C2orf78: variants seen among roughly 807,000 people sequenced by gnomAD.
C2orf78 encodes the protein chromosome 2 open reading frame 78.
Under a neutral mutation model 21.4 loss-of-function variants are expected in C2orf78, and 12 were observed. That is an observed-to-expected ratio of 0.56 (90% CI 0.36 to 0.91). The LOEUF (loss-of-function observed/expected upper bound fraction) is 0.91. Among genes scored for constraint, C2orf78 ranks in the 40% least tolerant of loss-of-function variants. C2orf78 has a pLI of 0.01. For missense variants in C2orf78, 1,042 were observed against 1,092.4 expected (o/e 0.95, Z 0.65); for synonymous variants, 396 against 413.9 (o/e 0.96, Z 0.52).
At chr2:73,807,167 G>A (rs1573195828) in intron 1 of C2orf78, among the ~76,000 whole-genome samples, 1 of 122,678 alleles carries the variant, frequency 8.2e-6, no homozygotes, top group African/African-American at 3.6e-5. Flanking sequence ...GTGACAGAGA[G>A]AGACTCTGTC....
At chr2:73,792,601 C>T (rs1672947039) in intron 1 of C2orf78, among the ~76,000 whole-genome samples, 1 of 117,194 alleles carries the variant, frequency 8.5e-6, no homozygotes, top group Non-Finnish European at 1.7e-5. Context: ...CCTCACCTTG[C>T]CTGTTTCCTA....
chr2:73,807,572 C>G (rs560611691), intron 1 of C2orf78, among the ~76,000 whole-genome samples: 3 of 30,606 alleles, frequency 9.8e-5, no homozygotes, highest in African/African-American at 1.5e-4. Flanking sequence ...GAATTGTGAC[C>G]AAAGGCTAGA....
rs367856082 is a variant in C2orf78 at position 73,785,782 on chromosome 2, T to A, written c.97+1376T>A. 5.9e-5 allele frequency among the ~76,000 whole-genome samples: 9 copies of A among 151,988 alleles called. No homozygotes were observed. In the East Asian group the frequency reaches 1.7e-3, roughly 29 times the overall value. ...GTTTTAGAGGCCAGGCTCGGTGGCT[T>A]ACACCTGTAATCCCAGCACTTTGGG... is the stretch of plus-strand genomic sequence containing the variant. On this transcript the variant is annotated intron_variant, in intron 1 of 2. Coordinates refer to ENST00000409561, the Ensembl canonical transcript of C2orf78.
At chr2:73,810,753 ATGT>A (rs1673069304) in intron 1 of C2orf78, among the ~76,000 whole-genome samples, 1 of 132,570 alleles carries the variant, frequency 7.5e-6, no homozygotes, top group East Asian at 2.0e-4. Flanking sequence ...TGTATATTTT[ATGT>A]ATATATAATA....
At chr2:73,810,625 TAA>T (rs1491166219) in intron 1 of C2orf78, among the ~76,000 whole-genome samples, 2 of 135,382 alleles carry the variant, frequency 1.5e-5, no homozygotes, top group African/African-American at 5.5e-5. Flanking sequence ...TATATATACA[TAA>T]TATATATATG....
At chr2:73,815,246 T>A in exon 3 of C2orf78, 1 of 1,613,556 alleles carries the variant, frequency 6.2e-7, no homozygotes, top group Admixed American at 1.7e-5. Flanking sequence ...CAGTCCAGAG[T>A]CCTACTAATC....
chr2:73,810,890 A>G (rs1673075125), intron 1 of C2orf78, among the ~76,000 whole-genome samples: 1 of 140,312 alleles, frequency 7.1e-6, no homozygotes, highest in Non-Finnish European at 1.5e-5. Flanking sequence ...AATTTAGTGT[A>G]TATTACATGT....
At chr2:73,811,018 C>G (rs1673079303) in intron 1 of C2orf78, among the ~76,000 whole-genome samples, 1 of 148,808 alleles carries the variant, frequency 6.7e-6, no homozygotes, top group Non-Finnish European at 1.5e-5. Context: ...AGGCCGAGCT[C>G]GGTGGCTCAC....
At chr2:73,816,168 G>A in exon 3 of C2orf78, 1 of 1,613,874 alleles carries the variant, frequency 6.2e-7, no homozygotes, top group Non-Finnish European at 8.5e-7. Context: ...TATGAAAACT[G>A]GATTCTCTTC....
intron 1 of C2orf78, chr2:73,809,003 A>T: frequency 1.8e-6 from 1 of 568,084 alleles, no homozygotes; most frequent in East Asian, 3.2e-5. Context: ...AATAACAGGG[A>T]AAGTATTGAA....
chr2:73,815,919 AAG>A lies in C2orf78; in HGVS notation c.1699_1700del (p.Ser567ProfsTer18). On this transcript the variant is annotated frameshift_variant, in exon 3 of 3. Coordinates refer to ENST00000409561, the Ensembl canonical transcript of C2orf78. LOFTEE classifies it low-confidence loss of function (END_TRUNC). Reference sequence around the variant, plus strand: ...TGCATCCAGCAGGATCAGCAAAACTAAGAGCCATGGGCAGGAAAAGACCAAAG... The same window carrying A: ...TGCATCCAGCAGGATCAGCAAAACTAAGCCATGGGCAGGAAAAGACCAAAG... 1 of 1,613,710 alleles carries A rather than the reference AAG, an allele frequency of 6.2e-7. No individual in the cohort carries two copies. The highest frequency in any genetic ancestry group is 8.5e-7 in the Non-Finnish European group (1 of 1,179,752).
At chr2:73,785,977 C>T (rs1421795712) in intron 1 of C2orf78, among the ~76,000 whole-genome samples, 1 of 151,674 alleles carries the variant, frequency 6.6e-6, no homozygotes, top group East Asian at 1.9e-4. Flanking sequence ...ACCCGAGAGG[C>T]AAAGGTTGTG....
At chr2:73,814,457 A>T (rs537282645) in intron 2 of C2orf78, among the ~76,000 whole-genome samples, 3 of 152,226 alleles carry the variant, frequency 2.0e-5, no homozygotes, top group Non-Finnish European at 4.4e-5. Flanking sequence ...TCGCAAGAGC[A>T]TACTGAGGGA....
intron 1 of C2orf78, among the ~76,000 whole-genome samples, chr2:73,810,264 C>T (rs1673052159): frequency 6.6e-6 from 1 of 151,896 alleles, no homozygotes; most frequent in Non-Finnish European, 1.5e-5. Context: ...GGCAGGATGG[C>T]TCACACCTGT....
At chr2:73,816,855 G>C (rs1338529648) in exon 3 of C2orf78, 4 of 1,613,912 alleles carry the variant, frequency 2.5e-6, no homozygotes, top group African/African-American at 2.7e-5. Context: ...GCAGAGGCCA[G>C]AGCGTGAGGC....
At chr2:73,815,702 G>C (rs769431452) in exon 3 of C2orf78, 1 of 1,613,860 alleles carries the variant, frequency 6.2e-7, no homozygotes, top group Non-Finnish European at 8.5e-7. Context: ...GTGTCATAAA[G>C]GGTCACTCTG....
rs1220903111 is a variant in C2orf78, at chr2:73,807,680, G to T, written c.98-5797G>T. ...CCAAACATCAGGACACTGAAAAGAA[G>T]ACTCCTGCTCTGGAAGTTGACAAGA... is the stretch of plus-strand genomic sequence containing the variant. On this transcript the variant is annotated intron_variant, in intron 1 of 2. Transcript: ENST00000409561. 4.0e-5 allele frequency among the ~76,000 whole-genome samples: 4 copies of T among 100,044 alleles called. No individual in the cohort carries two copies. In the Admixed American group the frequency reaches 4.5e-4, roughly 11 times the overall value. 65.6% of individuals were successfully genotyped at this position (100,044 alleles called of 152,430 possible). A position where few individuals can be genotyped will look rare whatever the true frequency, so the allele number is the denominator to read the frequency against.
At position 73,808,181 on chromosome 2, in the gene C2orf78, G is replaced by A. The variant is rs1275620527; in HGVS notation, c.98-5296G>A. Among the ~76,000 whole-genome samples the A allele has an allele frequency of 1.3e-5, 2 of 151,072 alleles. 1 individual carries two copies. The highest frequency in any genetic ancestry group is 5.0e-5 in the African/African-American group (2 of 40,394). ...AGGCAGGAGAATGGCGTGAACCTGG[G>A]AGGTGGTGCTTGCAGTGAGCCAAGA... On this transcript the variant is annotated intron_variant, in intron 1 of 2. Transcript: ENST00000409561.
At chr2:73,808,489 T>G (rs1349564202) in intron 1 of C2orf78, among the ~76,000 whole-genome samples, 1 of 150,722 alleles carries the variant, frequency 6.6e-6, no homozygotes, top group Non-Finnish European at 1.5e-5. Flanking sequence ...TGAGATGATC[T>G]CCCTAACATG....
Sources: allele counts gnomAD v4.1 joint callset (sites outside exome capture counted in the v4.1 genomes callset), GRCh38; gene constraint gnomAD v4.1.1; transcripts MANE v1.5; gene names NCBI Gene and HGNC (gene_info 2026-07-23, HGNC 2026-07-21).